JAZF1: variants seen among roughly 807,000 people sequenced by gnomAD.
JAZF1 encodes JAZF zinc finger 1, also known as juxtaposed with another zinc finger protein 1.
JAZF1 carries 8 observed loss-of-function variants against 26.4 expected under a neutral mutation model. The ratio of observed to expected loss-of-function variants is 0.30; its 90% CI spans 0.18 to 0.55. The LOEUF (loss-of-function observed/expected upper bound fraction) is 0.55. Among genes scored for constraint, JAZF1 ranks in the 20% least tolerant of loss-of-function variants. JAZF1 has a pLI of 0.94. For synonymous variants in JAZF1, 126 were observed against 122.3 expected, an observed-to-expected ratio of 1.03 and a Z score of -0.20; for missense variants, 199 against 322.0, an observed-to-expected ratio of 0.62 and a Z score of 2.92.
intron 1 of JAZF1, among the ~76,000 whole-genome samples, chr7:28,163,927 T>C (rs572800423): frequency 6.6e-6 from 1 of 152,352 alleles, no homozygotes; most frequent in South Asian, 2.1e-4. Flanking sequence ...AAAAGAAACA[T>C]ACTTCCTTGA....
rs1388466814 is a variant in JAZF1, at chr7:28,020,573, G to T, written c.116-28592C>A. ...CTTACGTTGTCCTACGGCAGGCATG[G>T]ACATGCATATTCGTACAACAACCAT... On this transcript the variant is annotated intron_variant, in intron 1 of 4. Coordinates refer to ENST00000283928, the MANE Select transcript of JAZF1 (RefSeq NM_175061.4). The T allele has an allele frequency of 8.5e-6, 4 of 471,182 alleles. No homozygotes were observed. The Admixed American group carries it at 9.4e-5, about 11-fold the overall frequency. 29.2% of individuals were successfully genotyped at this position (471,182 alleles called of 1,614,324 possible). A position where few individuals can be genotyped will look rare whatever the true frequency, so the allele number is the denominator to read the frequency against.
intron 1 of JAZF1, among the ~76,000 whole-genome samples, chr7:28,168,829 C>T (rs1457953735): frequency 1.3e-5 from 2 of 152,202 alleles, no homozygotes; most frequent in African/African-American, 2.4e-5. Flanking sequence ...CAACACAATC[C>T]TCCCAATGCT....
intron 3 of JAZF1, among the ~76,000 whole-genome samples, chr7:27,873,328 T>C (rs1024440510): frequency 6.6e-6 from 1 of 152,220 alleles, no homozygotes; most frequent in Non-Finnish European, 1.5e-5. Flanking sequence ...ATATCGCTCT[T>C]CTTTGATTGC....
intron 1 of JAZF1, among the ~76,000 whole-genome samples, chr7:27,993,540 A>G (rs957791208): frequency 1.8e-4 from 28 of 152,220 alleles, no homozygotes; most frequent in Non-Finnish European, 2.9e-5. Flanking sequence ...GAGACAGTAG[A>G]ACAATGTTCA....
At chr7:27,850,430 G>A (rs562755145) in intron 3 of JAZF1, among the ~76,000 whole-genome samples, 18 of 152,294 alleles carry the variant, frequency 1.2e-4, no homozygotes, top group Admixed American at 2.6e-4. Flanking sequence ...CTCCAAGCCA[G>A]AAGTAATACT....
At chr7:27,966,163 A>G (rs1785271843) in intron 2 of JAZF1, among the ~76,000 whole-genome samples, 1 of 152,178 alleles carries the variant, frequency 6.6e-6, no homozygotes, top group African/African-American at 2.4e-5. Context: ...CATTAACACT[A>G]CACAATACAT....
intron 4 of JAZF1, among the ~76,000 whole-genome samples, chr7:27,838,208 T>A (rs912446161): frequency 6.6e-6 from 1 of 152,226 alleles, no homozygotes; most frequent in Admixed American, 6.5e-5. Context: ...TGTTTTTCTC[T>A]TGTTAATCTC....
intron 1 of JAZF1, among the ~76,000 whole-genome samples, chr7:28,066,227 T>C (rs1400326416): frequency 6.6e-6 from 1 of 152,150 alleles, no homozygotes; most frequent in East Asian, 1.9e-4. Context: ...GAGGTATTTC[T>C]AAGAACTGCT....
chr7:27,904,024 G>C (rs1583456414), intron 2 of JAZF1, among the ~76,000 whole-genome samples: 1 of 152,130 alleles, frequency 6.6e-6, no homozygotes, highest in Admixed American at 6.5e-5. Flanking sequence ...TCCAGATGAT[G>C]GTATTTCTGA....
intron 2 of JAZF1, among the ~76,000 whole-genome samples, chr7:27,941,897 G>A (rs1423419872): frequency 6.6e-6 from 1 of 152,218 alleles, no homozygotes; most frequent in Non-Finnish European, 1.5e-5. Context: ...GTGGGGTAAG[G>A]GGGAGGGGAC....
chr7:28,090,927 C>T (rs1305303573), intron 1 of JAZF1, among the ~76,000 whole-genome samples: 1 of 149,564 alleles, frequency 6.7e-6, no homozygotes, highest in Non-Finnish European at 1.5e-5. Context: ...CCCGGGTTCA[C>T]GCCATTCTCC....
intron 1 of JAZF1, among the ~76,000 whole-genome samples, chr7:28,140,228 G>T (rs768457086): frequency 6.6e-6 from 1 of 151,624 alleles, no homozygotes; most frequent in Non-Finnish European, 1.5e-5. Flanking sequence ...GATTACAGGC[G>T]CCCACTACCA....
chr7:28,097,790 T>G (rs139787523), intron 1 of JAZF1, among the ~76,000 whole-genome samples: 1 of 152,042 alleles, frequency 6.6e-6, no homozygotes, highest in Non-Finnish European at 1.5e-5. Context: ...TCATTTTGCA[T>G]GTAGAAATGG....
At chr7:28,051,555 A>C (rs1425016235) in intron 1 of JAZF1, among the ~76,000 whole-genome samples, 2 of 152,234 alleles carry the variant, frequency 1.3e-5, no homozygotes, top group African/African-American at 4.8e-5. Flanking sequence ...CTAATCTAGT[A>C]AAGTTCTGCA....
At chr7:28,139,757 A>G (rs1204064643) in intron 1 of JAZF1, among the ~76,000 whole-genome samples, 3 of 152,198 alleles carry the variant, frequency 2.0e-5, no homozygotes, top group Admixed American at 2.0e-4. Context: ...CCTACACTCA[A>G]TAATTCGTTC....
intron 1 of JAZF1, among the ~76,000 whole-genome samples, chr7:28,163,310 T>C (rs1282908946): frequency 1.3e-5 from 2 of 152,144 alleles, no homozygotes; most frequent in African/African-American, 4.8e-5. Context: ...AGGTGTGATA[T>C]ACAGTGGGAG....
chr7:27,991,865 C>A, intron 2 of JAZF1, 44 bp downstream of exon 2: 2 of 967,138 alleles, frequency 2.1e-6, no homozygotes, highest in Admixed American at 2.2e-5. Context: ...AGTCAATAAG[C>A]AGCAGATATA....
intron 1 of JAZF1, among the ~76,000 whole-genome samples, chr7:28,037,551 G>A (rs968790605): frequency 2.0e-5 from 3 of 152,140 alleles, no homozygotes; most frequent in Non-Finnish European, 2.9e-5. Flanking sequence ...CTAGCTGTGC[G>A]GCTTTGAACG....
intron 2 of JAZF1, among the ~76,000 whole-genome samples, chr7:27,898,845 CCT>C (rs1449982212): frequency 2.0e-5 from 3 of 152,174 alleles, no homozygotes; most frequent in African/African-American, 7.2e-5. Flanking sequence ...AGTTCTCCCT[CCT>C]CTCTTGGTGT....
Sources: allele counts gnomAD v4.1 joint callset (sites outside exome capture counted in the v4.1 genomes callset), GRCh38; gene constraint gnomAD v4.1.1; transcripts MANE v1.5; gene names NCBI Gene and HGNC (gene_info 2026-07-23, HGNC 2026-07-21).